The following CSMD3 variants were observed in gnomAD, a reference collection of about 807,000 sequenced individuals.
CSMD3 encodes CUB and Sushi multiple domains 3, also known as CUB and sushi domain-containing protein 3.
Under a neutral mutation model 435.2 loss-of-function variants are expected in CSMD3, and 177 were observed. The observed-to-expected ratio is 0.41, with a 90% CI of 0.36 to 0.46. The LOEUF (loss-of-function observed/expected upper bound fraction) is 0.46, where lower values mean the gene tolerates loss of function less well. CSMD3 is among the 20% of genes least tolerant of loss of function. CSMD3 has a pLI of 0.34. For synonymous variants in CSMD3, 1,656 were observed against 1,520.5 expected, an observed-to-expected ratio of 1.09 and a Z score of -2.07; for missense variants, 4,265 against 4,504.6, an observed-to-expected ratio of 0.95 and a Z score of 1.52.
chr8:113,122,852 C>T (rs756332394), intron 4 of CSMD3, among the ~76,000 whole-genome samples: 1 of 150,442 alleles, frequency 6.6e-6, no homozygotes, highest in African/African-American at 2.4e-5. Flanking sequence ...AGCAGCAATA[C>T]AAAATTAATA....
intron 31 of CSMD3, among the ~76,000 whole-genome samples, chr8:112,473,571 A>T (rs1818734740): frequency 6.6e-6 from 1 of 152,156 alleles, no homozygotes; most frequent in African/African-American, 2.4e-5. Context: ...CTGGGGGTCA[A>T]GGGAGAAGAG....
intron 16 of CSMD3, among the ~76,000 whole-genome samples, chr8:112,667,472 G>A (rs1339023113): frequency 6.6e-6 from 1 of 152,100 alleles, no homozygotes; most frequent in Admixed American, 6.6e-5. Context: ...TTGAAGTATA[G>A]AAATAACCCC....
chr8:113,328,457 A>G (rs888435032), intron 1 of CSMD3, among the ~76,000 whole-genome samples: 3 of 150,044 alleles, frequency 2.0e-5, no homozygotes, highest in African/African-American at 7.3e-5. Flanking sequence ...AAAAAAAAAG[A>G]TGAAAGATGT....
intron 55 of CSMD3, 114 bp downstream of exon 55, chr8:112,292,423 T>C: frequency 1.0e-6 from 1 of 977,674 alleles, no homozygotes; most frequent in Non-Finnish European, 1.6e-6. Context: ...AAGCTTTTTG[T>C]TTTATTAGAT....
intron 10 of CSMD3, among the ~76,000 whole-genome samples, chr8:112,905,278 A>G (rs1344332423): frequency 2.0e-5 from 3 of 149,320 alleles, no homozygotes; most frequent in African/African-American, 4.9e-5. Flanking sequence ...TATTAGACAA[A>G]CAGATTTTTA....
chr8:112,343,804 G>A (rs1452422582), intron 41 of CSMD3, among the ~76,000 whole-genome samples: 2 of 151,966 alleles, frequency 1.3e-5, no homozygotes, highest in African/African-American at 4.8e-5. Flanking sequence ...GCTCCACCAT[G>A]TGTGGCTAGT....
At chr8:112,285,097 G>C (rs965687984) in intron 58 of CSMD3, among the ~76,000 whole-genome samples, 1 of 151,838 alleles carries the variant, frequency 6.6e-6, no homozygotes, top group South Asian at 2.1e-4. Context: ...TCATTTATGA[G>C]AAAAATATTA....
At chr8:113,091,989 C>T (rs1477517917) in intron 5 of CSMD3, among the ~76,000 whole-genome samples, 2 of 151,738 alleles carry the variant, frequency 1.3e-5, no homozygotes, top group African/African-American at 4.8e-5. Context: ...GGTATCTATA[C>T]CTTATTTGTG....
intron 4 of CSMD3, among the ~76,000 whole-genome samples, chr8:113,150,554 T>A (rs1180923235): frequency 6.6e-6 from 1 of 151,814 alleles, no homozygotes; most frequent in Admixed American, 6.6e-5. Flanking sequence ...GAGCAGAGGA[T>A]CCAGCTAACC....
intron 45 of CSMD3, among the ~76,000 whole-genome samples, chr8:112,331,373 T>G (rs995338480): frequency 4.6e-5 from 7 of 151,984 alleles, no homozygotes; most frequent in Admixed American, 3.3e-4. Flanking sequence ...GAAAAAAATA[T>G]GATATCTGAG....
chr8:112,344,107 C>A (rs753650956), intron 41 of CSMD3, among the ~76,000 whole-genome samples: 2 of 152,144 alleles, frequency 1.3e-5, no homozygotes, highest in Non-Finnish European at 2.9e-5. Flanking sequence ...TGGTCTCAAT[C>A]TCCTGACCTT....
intron 5 of CSMD3, among the ~76,000 whole-genome samples, chr8:113,087,169 C>A (rs751699389): frequency 6.6e-6 from 1 of 152,074 alleles, no homozygotes; most frequent in Non-Finnish European, 1.5e-5. Flanking sequence ...CTAAAGGACC[C>A]ACCACAAACC....
chr8:112,855,506 T>C (rs547274029), intron 11 of CSMD3, among the ~76,000 whole-genome samples: 7 of 152,214 alleles, frequency 4.6e-5, no homozygotes, highest in Non-Finnish European at 8.8e-5. Flanking sequence ...TCAGACTTTG[T>C]GTTTTAATTA....
chr8:112,295,887 C>G lies in CSMD3; in HGVS notation c.8560G>C (p.Val2854Leu), dbSNP rs2130714638. 6.2e-7 allele frequency: 1 copy of G among 1,614,004 alleles called. No individual in the cohort carries two copies. The part of the protein sequence containing the change: ...NPGFRLIGSS[V>L]RICQQDHNWS... ...TTGTGATCCTGTTGACATATCCTCA[C>G]TGAAGAACCAATCAATCGAAAACCA... Residue 2854 changes from valine to leucine, a missense_variant, in exon 54 of 71, where the codon GTG becomes CTG. Coordinates refer to ENST00000297405, the MANE Select transcript of CSMD3 (RefSeq NM_198123.2).
chr8:113,097,418 C>T (rs184883336), intron 5 of CSMD3, among the ~76,000 whole-genome samples: 94 of 152,094 alleles, frequency 6.2e-4, no homozygotes, highest in African/African-American at 2.2e-3. Flanking sequence ...ACAAGACTTC[C>T]TTCTCTTACC....
intron 13 of CSMD3, among the ~76,000 whole-genome samples, chr8:112,691,827 C>A (rs2076143677): frequency 6.6e-6 from 1 of 151,884 alleles, no homozygotes; most frequent in South Asian, 2.1e-4. Flanking sequence ...GAGACAGAGT[C>A]TCTTACTCTG....
In CSMD3 at chr8:112,573,661, C is replaced by G. The variant is rs374591869; in HGVS notation, c.3886-4G>C. Reference sequence around the variant, plus strand: ...TTTTATCTTTTCCATCATAAATCTGCAAAATATATTTATAATTAAAATGTA... The same window carrying G: ...TTTTATCTTTTCCATCATAAATCTGGAAAATATATTTATAATTAAAATGTA... On this transcript the variant is annotated splice_region_variant and splice_polypyrimidine_tract_variant and intron_variant, in intron 23 of 70. Coordinates refer to ENST00000297405, the MANE Select transcript of CSMD3 (RefSeq NM_198123.2). The G allele has an allele frequency of 1.3e-6, 2 of 1,581,216 alleles. No homozygotes were observed. The highest frequency in any genetic ancestry group is 4.5e-5 in the East Asian group (2 of 44,620).
chr8:112,459,853 C>G (rs1036369726), intron 32 of CSMD3, among the ~76,000 whole-genome samples: 1 of 152,020 alleles, frequency 6.6e-6, no homozygotes, highest in Non-Finnish European at 1.5e-5. Flanking sequence ...ATATATAGTC[C>G]CTTTCAGAAA....
intron 19 of CSMD3, 83 bp downstream of exon 19, chr8:112,650,078 A>C (rs2075085571): frequency 2.1e-6 from 2 of 974,630 alleles, no homozygotes; most frequent in Non-Finnish European, 3.2e-6. Context: ...AATATTTATA[A>C]TTATGTTAAA....
Sources: allele counts gnomAD v4.1 joint callset (sites outside exome capture counted in the v4.1 genomes callset), GRCh38; gene constraint gnomAD v4.1.1; transcripts MANE v1.5; gene names NCBI Gene and HGNC (gene_info 2026-07-23, HGNC 2026-07-21).